The following DAB1 variants were observed in gnomAD, a reference collection of about 807,000 sequenced individuals.
The protein encoded by DAB1 is DAB adaptor protein 1.
A neutral mutation model predicts 64.6 loss-of-function variants in DAB1; 15 were observed. The ratio of observed to expected loss-of-function variants is 0.23; its 90% CI spans 0.16 to 0.36. DAB1 has a LOEUF of 0.36. DAB1 is among the 10% of genes least tolerant of loss of function. The pLI, the probability that DAB1 is intolerant of heterozygous loss-of-function variation, is 1.00. For missense variants in DAB1, 596 were observed against 706.7 expected, an observed-to-expected ratio of 0.84 and a Z score of 1.78; for synonymous variants, 235 against 251.9, an observed-to-expected ratio of 0.93 and a Z score of 0.64.
chr1:58,525,251 T>A (rs1473531356), intron 2 of DAB1, among the ~76,000 whole-genome samples: 1 of 152,160 alleles, frequency 6.6e-6, no homozygotes, highest in African/African-American at 2.4e-5. Context: ...ATGGTTCACC[T>A]GTGAGTTTTT....
At chr1:57,166,131 C>T (rs1014472584) in intron 2 of DAB1, among the ~76,000 whole-genome samples, 3 of 152,144 alleles carry the variant, frequency 2.0e-5, no homozygotes, top group Non-Finnish European at 2.9e-5. Flanking sequence ...AGCAATTATG[C>T]TATGTTTATG....
chr1:57,085,360 G>A (rs747907661), intron 4 of DAB1, among the ~76,000 whole-genome samples: 1 of 152,060 alleles, frequency 6.6e-6, no homozygotes, highest in Non-Finnish European at 1.5e-5. Flanking sequence ...AGACAACTGC[G>A]CCCAAGTGAG....
In DAB1 at chr1:58,134,516, G is replaced by GA. The variant is rs148204249; in HGVS notation, n.387+15994dup. ...AAAACTGAGACTGGGTAATTTATTT[G>GA]AAAAAAAAAAGAGGTTTAATCAGCT... On this transcript the variant is annotated intron_variant and non_coding_transcript_variant, in intron 5 of 20. Transcript: ENST00000485760. 5.1e-3 allele frequency among the ~76,000 whole-genome samples: 761 copies of GA among 148,038 alleles called. 5 individuals carry two copies. Among genetic ancestry groups the GA allele is most frequent in the African/African-American group, 0.014 (585 of 40,384 alleles).
chr1:57,144,972 G>A (rs1658973369), intron 3 of DAB1, among the ~76,000 whole-genome samples: 1 of 152,132 alleles, frequency 6.6e-6, no homozygotes, highest in Non-Finnish European at 1.5e-5. Flanking sequence ...TTCATAAAAT[G>A]TGGGTGACAA....
chr1:57,297,714 C>T (rs1418761054), intron 1 of DAB1, among the ~76,000 whole-genome samples: 1 of 152,110 alleles, frequency 6.6e-6, no homozygotes, highest in African/African-American at 2.4e-5. Context: ...CAAAGCCTAG[C>T]TCAAACTCTT....
chr1:58,300,893 GC>G (rs1662155635), intron 4 of DAB1, among the ~76,000 whole-genome samples: 1 of 152,086 alleles, frequency 6.6e-6, no homozygotes, highest in African/African-American at 2.4e-5. Flanking sequence ...CCAAACTGAG[GC>G]CTTGGTGTGG....
intron 6 of DAB1, among the ~76,000 whole-genome samples, chr1:57,773,059 C>G (rs1289422151): frequency 6.6e-6 from 1 of 152,028 alleles, no homozygotes; most frequent in African/African-American, 2.4e-5. Context: ...AAGAAGCTAA[C>G]AGTCATGGAA....
intron 3 of DAB1, among the ~76,000 whole-genome samples, chr1:58,385,506 C>A (rs1359491177): frequency 6.6e-6 from 1 of 152,196 alleles, no homozygotes; most frequent in African/African-American, 2.4e-5. Flanking sequence ...ACTGCCAAGA[C>A]CTCCTGAAGA....
At chr1:58,473,419 G>C (rs1313961672) in intron 3 of DAB1, among the ~76,000 whole-genome samples, 1 of 151,994 alleles carries the variant, frequency 6.6e-6, no homozygotes, top group Admixed American at 6.5e-5. Context: ...GCGGGCGCCT[G>C]TAGTCCCAGC....
intron 2 of DAB1, among the ~76,000 whole-genome samples, chr1:57,157,813 G>A (rs1660380637): frequency 6.6e-6 from 1 of 152,154 alleles, no homozygotes; most frequent in Admixed American, 6.5e-5. Flanking sequence ...GTGAAAAGCT[G>A]AATGCTACCT....
At chr1:58,044,543 A>G (rs1025686555) in intron 5 of DAB1, among the ~76,000 whole-genome samples, 3 of 152,064 alleles carry the variant, frequency 2.0e-5, no homozygotes, top group African/African-American at 7.2e-5. Flanking sequence ...AGACAAAGAG[A>G]AAAGGAGAGG....
intron 4 of DAB1, among the ~76,000 whole-genome samples, chr1:58,295,255 T>A (rs1277194666): frequency 6.6e-6 from 1 of 152,142 alleles, no homozygotes; most frequent in Non-Finnish European, 1.5e-5. Context: ...TGGAAGAAAT[T>A]TGCTGAATTA....
chr1:58,042,199 G>A (rs140547055), intron 5 of DAB1, among the ~76,000 whole-genome samples: 3 of 152,248 alleles, frequency 2.0e-5, no homozygotes, highest in East Asian at 3.9e-4. Context: ...ACAAACTCAC[G>A]GCTGGATTTC....
intron 7 of DAB1, among the ~76,000 whole-genome samples, chr1:57,523,915 A>G (rs1473659857): frequency 6.6e-6 from 1 of 152,002 alleles, no homozygotes; most frequent in Admixed American, 6.6e-5. Context: ...ACAGAGCAAG[A>G]CTCTGTCTCA....
At chr1:58,152,325 C>T (rs2100735193) in intron 4 of DAB1, among the ~76,000 whole-genome samples, 1 of 152,306 alleles carries the variant, frequency 6.6e-6, no homozygotes, top group South Asian at 2.1e-4. Flanking sequence ...CCCTACTCCA[C>T]TCTACCACTG....
chr1:57,760,620 TCACACACA>T (rs60457752), intron 6 of DAB1, among the ~76,000 whole-genome samples: 175 of 140,386 alleles, frequency 1.2e-3, no homozygotes, highest in Admixed American at 3.0e-3. Flanking sequence ...TCTCTCTCTC[TCACACACA>T]CACACACACA....
At chr1:58,101,920 C>G (rs1570354087) in intron 5 of DAB1, among the ~76,000 whole-genome samples, 1 of 152,172 alleles carries the variant, frequency 6.6e-6, no homozygotes, top group East Asian at 1.9e-4. Flanking sequence ...TTTGCAGGTC[C>G]TGGGCCATCA....
intron 5 of DAB1, among the ~76,000 whole-genome samples, chr1:58,127,499 A>G (rs1447383889): frequency 1.3e-5 from 2 of 151,418 alleles, no homozygotes; most frequent in South Asian, 2.1e-4. Flanking sequence ...TTTTGTTGCC[A>G]TTGCTTTTGG....
chr1:57,367,118 T>TAAAATAAAATAAAATAAAATA (rs200326231), intron 1 of DAB1, among the ~76,000 whole-genome samples: 8 of 130,004 alleles, frequency 6.2e-5, no homozygotes, highest in Non-Finnish European at 1.0e-4. Context: ...TAAAATAAAA[T>TAAAATAAAATAAAATAAAATA]AAATAAATTA....
Sources: gnomAD v4.1 joint callset for allele counts (sites outside exome capture counted in the v4.1 genomes callset) on GRCh38, gnomAD v4.1.1 for gene constraint, MANE v1.5 for transcripts, NCBI Gene and HGNC (gene_info 2026-07-23, HGNC 2026-07-21) for gene names.